Variants in EPS8 observed in about 807,000 individuals in gnomAD.
The protein encoded by EPS8 is EGFR pathway substrate 8, signaling adaptor, also known as epidermal growth factor receptor kinase substrate 8.
EPS8 carries 42 observed loss-of-function variants against 103.8 expected under a neutral mutation model. The observed-to-expected ratio is 0.40, with a 90% CI of 0.32 to 0.52. The LOEUF (loss-of-function observed/expected upper bound fraction) is 0.52, where lower values mean the gene tolerates loss of function less well. EPS8 is among the 20% of genes least tolerant of loss of function. The pLI, the probability that EPS8 is intolerant of heterozygous loss-of-function variation, is 0.40. For missense variants in EPS8, 969 were observed against 1,005.1 expected, an observed-to-expected ratio of 0.96 and a Z score of 0.49; for synonymous variants, 344 against 344.6, an observed-to-expected ratio of 1.00 and a Z score of 0.02.
chr12:15,681,302 A>G lies in EPS8; in HGVS notation c.60T>C (p.Asn20=). Residue 20 remains asparagine, a splice_region_variant and synonymous_variant, in exon 3 of 21, where the codon AAT becomes AAC. Coordinates refer to ENST00000281172, the MANE Select transcript of EPS8 (RefSeq NM_004447.6). ...AAAAGGTAGGTGATGATCCGTAGCC[A>G]CTGTAATAATAATAATAATAATAAT... ...SSFGMYPSQM[N]GYGSSPTFSQ... 7.8e-7 allele frequency: 1 copy of G among 1,287,860 alleles called. No homozygotes were observed. The highest frequency in any genetic ancestry group is 1.0e-6 in the Non-Finnish European group (1 of 962,902). The allele number at this position is 1,287,860 out of a possible 1,614,324, so 79.8% of individuals were successfully genotyped here.
intron 6 of EPS8, among the ~76,000 whole-genome samples, chr12:15,669,099 G>T (rs572768698): frequency 6.6e-6 from 1 of 152,118 alleles, no homozygotes; most frequent in Non-Finnish European, 1.5e-5. Context: ...TTGCCATGTT[G>T]TCCAGGCTGG....
chr12:15,637,321 G>A (rs1014577605), intron 17 of EPS8, among the ~76,000 whole-genome samples: 12 of 152,190 alleles, frequency 7.9e-5, no homozygotes, highest in Non-Finnish European at 1.3e-4. Context: ...GTGCCCACCC[G>A]AAATGAGAAC....
chr12:15,636,089 G>A (rs559436292), intron 17 of EPS8, among the ~76,000 whole-genome samples: 8 of 152,184 alleles, frequency 5.3e-5, no homozygotes, highest in African/African-American at 1.9e-4. Context: ...TGGGCAAAAG[G>A]GTAATTCTAG....
At chr12:15,710,601 C>T (rs542610675) in intron 1 of EPS8, among the ~76,000 whole-genome samples, 2 of 152,116 alleles carry the variant, frequency 1.3e-5, no homozygotes, top group African/African-American at 4.8e-5. Context: ...ATATTTTGTA[C>T]ACACGATTCT....
chr12:15,721,978 T>C lies in EPS8; in HGVS notation c.-21-39006A>G, dbSNP rs1462581441. ...TTTTTTTTAATGCATACATACTTTT[T>C]TTTTTCAAAGGGGGCTACTGTCTGT... On this transcript the variant is annotated intron_variant, in intron 1 of 20. Coordinates refer to ENST00000281172, the MANE Select transcript of EPS8 (RefSeq NM_004447.6). The surrounding 1 kb of genome is among the most constrained non-coding windows in gnomAD (Gnocchi z 4.4). 1.3e-5 allele frequency among the ~76,000 whole-genome samples: 2 copies of C among 151,866 alleles called. No individual in the cohort carries two copies. Among genetic ancestry groups the C allele is most frequent in the African/African-American group, 4.8e-5 (2 of 41,378 alleles).
Position 15,737,942 on chromosome 12 carries a change from T to C in EPS8, c.-22+51219A>G, listed in dbSNP as rs11056620. On this transcript the variant is annotated intron_variant, in intron 1 of 20. Coordinates refer to ENST00000281172, the MANE Select transcript of EPS8 (RefSeq NM_004447.6). ...ATGAAAAACTTCCCTAAGACTCCTG[T>C]CATTAAAAACTCAGAAACTAAGAAA... Among the ~76,000 whole-genome samples the C allele has an allele frequency of 2.8e-3, 433 of 152,240 alleles. 5 individuals are homozygous for C. The East Asian group carries it at 0.031, about 11-fold the overall frequency.
At position 15,764,673 on chromosome 12, in the gene EPS8, A is replaced by G. The variant is rs879313765; in HGVS notation, c.-22+24488T>C. The stretch of plus-strand genomic sequence containing the variant: ...ATACTTTATCAATTTAACTCTTTTC[A>G]GTCAATAACTATGTCTGACGTCAGC... On this transcript the variant is annotated intron_variant, in intron 1 of 20. Coordinates refer to ENST00000281172, the MANE Select transcript of EPS8 (RefSeq NM_004447.6). The surrounding 1 kb of genome is among the most constrained non-coding windows in gnomAD (Gnocchi z 4.1). Among the ~76,000 whole-genome samples the G allele has an allele frequency of 3.3e-5, 5 of 152,228 alleles. No individual in the cohort carries two copies. Among genetic ancestry groups the G allele is most frequent in the Non-Finnish European group, 5.9e-5 (4 of 68,028 alleles).
intron 18 of EPS8, among the ~76,000 whole-genome samples, chr12:15,628,556 C>A (rs950152643): frequency 6.6e-6 from 1 of 152,144 alleles, no homozygotes; most frequent in South Asian, 2.1e-4. Flanking sequence ...ATCTTAAAAG[C>A]GATAAAAGGA....
chr12:15,639,070 T>C (rs1023895517), intron 17 of EPS8, among the ~76,000 whole-genome samples: 2 of 152,306 alleles, frequency 1.3e-5, no homozygotes, highest in African/African-American at 4.8e-5. Context: ...TAAAACAAAT[T>C]TGGATAATTG....
intron 12 of EPS8, 119 bp from the exon 13 acceptor site, chr12:15,654,412 T>C: frequency 2.2e-6 from 2 of 898,534 alleles, no homozygotes; most frequent in South Asian, 1.4e-5. Flanking sequence ...TATTAACTTT[T>C]GATGCTGTGC....
chr12:15,741,644 TG>T (rs1385116064), intron 1 of EPS8, among the ~76,000 whole-genome samples: 1 of 152,120 alleles, frequency 6.6e-6, no homozygotes, highest in Non-Finnish European at 1.5e-5. Context: ...TAAAGTCCAC[TG>T]GGAAACTATT....
At chr12:15,644,498 T>G (rs897770404) in intron 15 of EPS8, among the ~76,000 whole-genome samples, 7 of 151,940 alleles carry the variant, frequency 4.6e-5, no homozygotes, top group Non-Finnish European at 8.8e-5. Flanking sequence ...ATCGAGACCA[T>G]CCTGGCTAAC....
rs1472704612 is a variant in EPS8, at chr12:15,749,151, G to T, written c.-22+40010C>A. 2.0e-5 allele frequency among the ~76,000 whole-genome samples: 3 copies of T among 152,156 alleles called. No individual in the cohort carries two copies. In the East Asian group the frequency reaches 5.8e-4, roughly 29 times the overall value. On this transcript the variant is annotated intron_variant, in intron 1 of 20. Coordinates refer to ENST00000281172, the MANE Select transcript of EPS8 (RefSeq NM_004447.6). The surrounding 1 kb of genome is among the most constrained non-coding windows in gnomAD (Gnocchi z 4.0). ...ATGTATTGATTACCTGACTATTTAA[G>T]ATTATGCCTTAGGCTCTCACTAAGG...
chr12:15,782,192 G>A (rs1308637323), intron 1 of EPS8: 1 of 151,962 alleles, frequency 6.6e-6, no homozygotes, highest in East Asian at 1.9e-4. Flanking sequence ...GGAGATTTGT[G>A]ACAATTTAAA....
intron 1 of EPS8, among the ~76,000 whole-genome samples, chr12:15,692,270 A>T (rs750065018): frequency 6.6e-6 from 1 of 150,924 alleles, no homozygotes; most frequent in Non-Finnish European, 1.5e-5. Context: ...ACCTTTACAC[A>T]TGATGGACCG....
chr12:15,683,123 C>G, intron 1 of EPS8, 151 bp from the exon 2 acceptor site: 1 of 484,326 alleles, frequency 2.1e-6, no homozygotes, highest in East Asian at 3.6e-5. Flanking sequence ...AGCTCAGGCC[C>G]CAGAGGTATA....
At chr12:15,673,176 T>C (rs1033322069) in intron 3 of EPS8, among the ~76,000 whole-genome samples, 13 of 152,322 alleles carry the variant, frequency 8.5e-5, no homozygotes, top group African/African-American at 2.9e-4. Flanking sequence ...CTAGAAGATA[T>C]GGTGTCATTT....
rs1371951073 is a variant in EPS8 at position 15,695,818 on chromosome 12, T to A, written c.-21-12846A>T. Among the ~76,000 whole-genome samples the A allele has an allele frequency of 6.6e-6, 1 of 152,036 alleles. No homozygotes were observed. Among genetic ancestry groups the A allele is most frequent in the Non-Finnish European group, 1.5e-5 (1 of 68,014 alleles). ...GGCGAAACCCCATCTCTACCAAAAA[T>A]ATAAAAATCAGCCAGACATGGTGGC... On this transcript the variant is annotated intron_variant, in intron 1 of 20. Coordinates refer to ENST00000281172, the MANE Select transcript of EPS8 (RefSeq NM_004447.6). This position sits in a 1 kb window ranked among gnomAD's most constrained non-coding sequence, Gnocchi z 5.0.
chr12:15,730,780 T>A (rs1432061101), intron 1 of EPS8, among the ~76,000 whole-genome samples: 1 of 152,204 alleles, frequency 6.6e-6, no homozygotes, highest in Non-Finnish European at 1.5e-5. Flanking sequence ...TCCTTTCTTG[T>A]TGGTTCCTTA....
Sources: allele counts gnomAD v4.1 joint callset (sites outside exome capture counted in the v4.1 genomes callset), GRCh38; gene constraint gnomAD v4.1.1; non-coding constraint Gnocchi (gnomAD v3.1); transcripts MANE v1.5; gene names NCBI Gene and HGNC (gene_info 2026-07-23, HGNC 2026-07-21).